Variants in ENPP2 observed in about 807,000 individuals in gnomAD.
The protein encoded by ENPP2 is ectonucleotide pyrophosphatase/phosphodiesterase 2.
In ENPP2, 51 loss-of-function variants were observed where a neutral mutation model predicts 120.2. The ratio of observed to expected loss-of-function variants is 0.42; its 90% CI spans 0.34 to 0.54. The LOEUF (loss-of-function observed/expected upper bound fraction) is 0.54, where lower values mean the gene tolerates loss of function less well. ENPP2 is among the 20% of genes least tolerant of loss of function. The pLI is 0.04. For missense variants in ENPP2, 920 were observed against 1,066.5 expected, an observed-to-expected ratio of 0.86 and a Z score of 1.91; for synonymous variants, 365 against 366.4, an observed-to-expected ratio of 1.00 and a Z score of 0.04.
rs572078087 is a variant in ENPP2, at chr8:119,597,361, A to C, written c.972+3317T>G. On this transcript the variant is annotated intron_variant, in intron 11 of 24. Coordinates refer to ENST00000075322, the MANE Select transcript of ENPP2 (RefSeq NM_001040092.3). ...CATTTGCAAGAGACCTCAACATTCC[A>C]AAGACTCCAAAGATGAGCCCTTCCA... 2.0e-5 allele frequency among the ~76,000 whole-genome samples: 3 copies of C among 152,296 alleles called. No individual in the cohort carries two copies. The East Asian group carries it at 5.8e-4, about 29-fold the overall frequency.
intron 1 of ENPP2, among the ~76,000 whole-genome samples, chr8:119,661,180 AG>A (rs1353602241): frequency 6.6e-6 from 1 of 151,696 alleles, no homozygotes; most frequent in Non-Finnish European, 1.5e-5. Flanking sequence ...CTGAGGGGTA[AG>A]GGGAGGGAGA....
intron 14 of ENPP2, 115 bp downstream of exon 14, chr8:119,586,929 G>A: frequency 1.2e-6 from 1 of 805,466 alleles, no homozygotes; most frequent in East Asian, 2.6e-5. Context: ...TGGCAGGGCA[G>A]TGAGGAAAGT....
rs1207435532 is a variant in ENPP2, at chr8:119,644,679, C to T, written c.22-6152G>A. Among the ~76,000 whole-genome samples the T allele has an allele frequency of 1.3e-3, 177 of 140,970 alleles. 1 individual carries two copies. Among genetic ancestry groups the T allele is most frequent in the African/African-American group, 4.3e-3 (168 of 38,674 alleles). 92.5% of individuals were successfully genotyped at this position (140,970 alleles called of 152,430 possible). On this transcript the variant is annotated intron_variant, in intron 1 of 25. Transcript: ENST00000427067. ...ATATATATATATATATACACACACA[C>T]ATATATATATACTGGACTTTAAACA...
At chr8:119,572,076 A>T (rs1267704683) in intron 19 of ENPP2, 1 of 788,998 alleles carries the variant, frequency 1.3e-6, no homozygotes, top group Non-Finnish European at 2.1e-6. Flanking sequence ...AATATTAAAT[A>T]AATGAAATAT....
intron 12 of ENPP2, among the ~76,000 whole-genome samples, chr8:119,591,517 C>T (rs560601366): frequency 2.6e-5 from 4 of 152,098 alleles, no homozygotes; most frequent in Admixed American, 6.5e-5. Context: ...TGACCTGGAA[C>T]GTTTTAATAT....
chr8:119,597,726 T>A (rs1401336368), intron 11 of ENPP2, among the ~76,000 whole-genome samples: 2 of 152,078 alleles, frequency 1.3e-5, no homozygotes, highest in Non-Finnish European at 2.9e-5. Context: ...GCGCCAATAA[T>A]CAAAAGCAAG....
At chr8:119,558,703 A>G (rs1208179401) in intron 24 of ENPP2, among the ~76,000 whole-genome samples, 1 of 151,630 alleles carries the variant, frequency 6.6e-6, no homozygotes, top group African/African-American at 2.4e-5. Flanking sequence ...GTCTACTTTC[A>G]TTAGTAGACA....
chr8:119,611,682 C>G (rs950264054), intron 8 of ENPP2, among the ~76,000 whole-genome samples: 4 of 152,174 alleles, frequency 2.6e-5, no homozygotes, highest in African/African-American at 4.8e-5. Context: ...AAGTCCCTAC[C>G]TGCATGGGAC....
intron 3 of ENPP2, 61 bp downstream of exon 3, chr8:119,626,504 C>T: frequency 2.1e-6 from 3 of 1,441,882 alleles, no homozygotes; most frequent in Admixed American, 3.4e-5. Flanking sequence ...AGGATGCATA[C>T]AATAGCAGGC....
chr8:119,672,464 C>T (rs1439326354), intron 1 of ENPP2, among the ~76,000 whole-genome samples: 1 of 152,110 alleles, frequency 6.6e-6, no homozygotes, highest in Non-Finnish European at 1.5e-5. Flanking sequence ...ATCGCTGGAA[C>T]CCTTTGACCC....
At chr8:119,667,018 C>T (rs10505371) in intron 1 of ENPP2, among the ~76,000 whole-genome samples, 13,663 of 152,056 alleles carry the variant, frequency 0.09, 869 homozygotes, top group South Asian at 0.19. Context: ...GTAGGAAAAT[C>T]AAGTCGTAGG....
At chr8:119,573,026 C>T (rs544588928) in intron 19 of ENPP2, 3 of 152,252 alleles carry the variant, frequency 2.0e-5, no homozygotes, top group Admixed American at 6.5e-5. Flanking sequence ...TTTTCACGCT[C>T]AAAAGTGTAT....
At position 119,616,271 on chromosome 8, in the gene ENPP2, A is replaced by G; in HGVS notation, c.771T>C (p.Gly257=). 1 of 1,600,264 alleles carries G rather than the reference A, an allele frequency of 6.2e-7. No individual in the cohort carries two copies. Among genetic ancestry groups the G allele is most frequent in the Middle Eastern group, 1.7e-4 (1 of 5,998 alleles). Residue 257 remains glycine, a synonymous_variant, in exon 8 of 25, where the codon GGT becomes GGC. Transcript: ENST00000075322. ...REKFNHRWWG[G]QPLWITATKQ... ...CAATAAATGCAAAACTTACCGGTTG[A>G]CCTCCCCACCATCTATGATTAAATT...
chr8:119,639,962 C>G (rs1186141113), upstream of ENPP2, among the ~76,000 whole-genome samples: 1 of 152,180 alleles, frequency 6.6e-6, no homozygotes, highest in Non-Finnish European at 1.5e-5. Flanking sequence ...CAGTGACCAT[C>G]TTTTCTTCCG....
At chr8:119,603,280 G>A (rs1269036656) in intron 9 of ENPP2, among the ~76,000 whole-genome samples, 2 of 151,406 alleles carry the variant, frequency 1.3e-5, no homozygotes, top group African/African-American at 4.9e-5. Flanking sequence ...TTCACTACCT[G>A]CCTAAAAGCT....
chr8:119,585,126 T>A (rs1275440716), intron 15 of ENPP2, among the ~76,000 whole-genome samples: 1 of 152,154 alleles, frequency 6.6e-6, no homozygotes, highest in East Asian at 1.9e-4. Context: ...AGCTGCCCCA[T>A]ACATAAAAGG....
intron 24 of ENPP2, among the ~76,000 whole-genome samples, chr8:119,561,862 G>GGC (rs1813972449): frequency 1.3e-5 from 2 of 151,946 alleles, no homozygotes; most frequent in South Asian, 4.2e-4. Context: ...TTCATGGCTG[G>GGC]GTGCAGTGGC....
intron 19 of ENPP2, among the ~76,000 whole-genome samples, chr8:119,576,718 T>G (rs1812367917): frequency 1.3e-5 from 2 of 152,194 alleles, no homozygotes; most frequent in Admixed American, 1.3e-4. Flanking sequence ...TTTCATTCAT[T>G]AATTCATCCA....
intron 1 of ENPP2, among the ~76,000 whole-genome samples, chr8:119,654,254 A>G (rs1306719378): frequency 2.3e-5 from 3 of 133,260 alleles, no homozygotes; most frequent in Non-Finnish European, 3.1e-5. Context: ...ATATATCTAT[A>G]TCTATATTAT....
Sources: gnomAD v4.1 joint callset for allele counts (sites outside exome capture counted in the v4.1 genomes callset) on GRCh38, gnomAD v4.1.1 for gene constraint, MANE v1.5 for transcripts, NCBI Gene and HGNC (gene_info 2026-07-23, HGNC 2026-07-21) for gene names.